GPM6A: variants seen among roughly 807,000 people sequenced by gnomAD.
GPM6A encodes the protein glycoprotein M6A.
A neutral mutation model predicts 32.1 loss-of-function variants in GPM6A; 7 were observed. The ratio of observed to expected loss-of-function variants is 0.22; its 90% CI spans 0.12 to 0.41. GPM6A has a LOEUF of 0.41. Among genes scored for constraint, GPM6A ranks in the 10% least tolerant of loss-of-function variants. GPM6A has a pLI of 1.00. For synonymous variants in GPM6A, 130 were observed against 123.4 expected (o/e 1.05, Z -0.35); for missense variants, 235 against 347.2 (o/e 0.68, Z 2.57).
intron 1 of GPM6A, among the ~76,000 whole-genome samples, chr4:175,844,841 G>T (rs1736040822): frequency 6.6e-6 from 1 of 152,052 alleles, no homozygotes; most frequent in South Asian, 2.1e-4. Context: ...TGGGTTCCAG[G>T]TATTGAATTT....
At position 175,964,296 on chromosome 4, in the gene GPM6A, AAACAACAAC is replaced by A. The variant is rs140794301; in HGVS notation, c.-23+38004_-23+38012del. Among the ~76,000 whole-genome samples, 9 of 151,426 alleles carry A rather than the reference AAACAACAAC, an allele frequency of 5.9e-5. No homozygotes were observed. The East Asian group carries it at 1.8e-3, about 30-fold the overall frequency. ...AACTCTATGTTGTCCAAAAACAAACAAACAACAACAACAACAACAACAACAAAACCCACC... is the reference window on the plus strand; with the variant it reads ...AACTCTATGTTGTCCAAAAACAAACAAACAACAACAACAACAAAACCCACC... On this transcript the variant is annotated intron_variant, in intron 1 of 7. Coordinates refer to the GPM6A transcript ENST00000280187.
intron 1 of GPM6A, among the ~76,000 whole-genome samples, chr4:175,712,631 C>T (rs1174428397): frequency 6.6e-6 from 1 of 152,176 alleles, no homozygotes; most frequent in Non-Finnish European, 1.5e-5. Flanking sequence ...CTGAGGGAAA[C>T]ATGTCCCTTG....
chr4:175,686,963 C>T (rs918318002), intron 2 of GPM6A, among the ~76,000 whole-genome samples: 3 of 152,168 alleles, frequency 2.0e-5, no homozygotes, highest in African/African-American at 7.2e-5. Context: ...ATGCCTGCTT[C>T]TTCCTAAGCA....
At chr4:175,953,645 C>T (rs1433532912) in intron 1 of GPM6A, among the ~76,000 whole-genome samples, 9 of 152,110 alleles carry the variant, frequency 5.9e-5, no homozygotes, top group East Asian at 1.9e-4. Flanking sequence ...CTCACACCTG[C>T]AATTCCAGCA....
chr4:175,965,320 C>T (rs1308858797), intron 1 of GPM6A, among the ~76,000 whole-genome samples: 1 of 151,372 alleles, frequency 6.6e-6, no homozygotes, highest in African/African-American at 2.4e-5. Context: ...TAATTGAATG[C>T]ATATATTAGA....
intron 1 of GPM6A, among the ~76,000 whole-genome samples, chr4:175,756,949 C>T (rs933318479): frequency 6.6e-6 from 1 of 151,914 alleles, no homozygotes; most frequent in South Asian, 2.1e-4. Flanking sequence ...GTAATGAAGG[C>T]AAATATGGGG....
At chr4:175,697,702 G>A (rs10520303) in intron 2 of GPM6A, among the ~76,000 whole-genome samples, 1 of 152,084 alleles carries the variant, frequency 6.6e-6, no homozygotes, top group Non-Finnish European at 1.5e-5. Flanking sequence ...TTATATAAAT[G>A]AGTAACAAAA....
chr4:175,669,420 G>T (rs1230433041), intron 3 of GPM6A, among the ~76,000 whole-genome samples: 1 of 152,072 alleles, frequency 6.6e-6, no homozygotes, highest in African/African-American at 2.4e-5. Context: ...TTTAGGTTTT[G>T]TAATATTTGC....
intron 1 of GPM6A, among the ~76,000 whole-genome samples, chr4:175,785,486 T>C (rs1383679882): frequency 6.6e-6 from 1 of 152,202 alleles, no homozygotes; most frequent in African/African-American, 2.4e-5. Context: ...GTTGGGAGAA[T>C]AGAATTAGTA....
chr4:175,634,818 C>A lies in GPM6A; in HGVS notation c.*87G>T. 1 of 1,034,038 alleles carries A rather than the reference C, an allele frequency of 9.7e-7. No individual in the cohort carries two copies. Among genetic ancestry groups the A allele is most frequent in the Non-Finnish European group, 1.5e-6 (1 of 682,680 alleles). 64.1% of individuals were successfully genotyped at this position (1,034,038 alleles called of 1,614,324 possible). A position where few individuals can be genotyped will look rare whatever the true frequency, so the allele number is the denominator to read the frequency against. ...ACATATCATTGATGAGAAGCACTTTCGTTTTGTTTTTTAAAGGTTGGATGG... is the reference window on the plus strand; with the variant it reads ...ACATATCATTGATGAGAAGCACTTTAGTTTTGTTTTTTAAAGGTTGGATGG... On this transcript the variant is annotated 3_prime_UTR_variant, in exon 7 of 7. Transcript: ENST00000393658.
At chr4:175,780,138 C>A (rs1733561041) in intron 1 of GPM6A, among the ~76,000 whole-genome samples, 1 of 151,598 alleles carries the variant, frequency 6.6e-6, no homozygotes, top group South Asian at 2.1e-4. Flanking sequence ...ACCTCCGCCT[C>A]CCAGGTTCAA....
intron 1 of GPM6A, among the ~76,000 whole-genome samples, chr4:175,761,081 TG>T (rs1360687267): frequency 3.3e-5 from 5 of 149,732 alleles, no homozygotes; most frequent in Non-Finnish European, 4.5e-5. Context: ...TGAGAAGCAA[TG>T]ACACAGTCTC....
intron 1 of GPM6A, among the ~76,000 whole-genome samples, chr4:175,824,367 T>G (rs1224035588): frequency 1.3e-5 from 2 of 152,164 alleles, no homozygotes; most frequent in African/African-American, 4.8e-5. Context: ...AGCGATGTGC[T>G]CAAGTAAGCA....
intron 1 of GPM6A, among the ~76,000 whole-genome samples, chr4:175,900,357 G>C (rs1356178837): frequency 7.1e-6 from 1 of 140,360 alleles, no homozygotes; most frequent in Admixed American, 7.3e-5. Flanking sequence ...GGAAAAGAAA[G>C]GAAAGGAAAA....
In GPM6A at chr4:175,804,343, A is replaced by G. The variant is rs188957687; in HGVS notation, c.37+7848T>C. Among the ~76,000 whole-genome samples, 363 of 152,308 alleles carry G rather than the reference A, an allele frequency of 2.4e-3. 1 individual carries two copies. The highest frequency in any genetic ancestry group is 8.4e-3 in the African/African-American group (350 of 41,564). ...GAAAAATGGAGAAATCATTTGGCTC[A>G]TTCTCCCTTCTGCCCACCTCATAAT... is the stretch of plus-strand genomic sequence containing the variant. On this transcript the variant is annotated intron_variant, in intron 1 of 6. Coordinates refer to ENST00000393658, the MANE Select transcript of GPM6A (RefSeq NM_201591.3).
chr4:175,752,921 A>G (rs1027211858), intron 1 of GPM6A, among the ~76,000 whole-genome samples: 2 of 152,208 alleles, frequency 1.3e-5, no homozygotes, highest in East Asian at 3.9e-4. Context: ...GGAAAACGTC[A>G]TGCTTGACAA....
intron 1 of GPM6A, among the ~76,000 whole-genome samples, chr4:175,909,306 T>C (rs1738241017): frequency 6.6e-6 from 1 of 152,140 alleles, no homozygotes; most frequent in Admixed American, 6.6e-5. Context: ...TTCAGATCCT[T>C]TCTCCAACTG....
At chr4:175,637,669 T>TATA (rs1740837918) in intron 6 of GPM6A, among the ~76,000 whole-genome samples, 1 of 384 alleles carries the variant, frequency 2.6e-3, no homozygotes, top group Non-Finnish European at 0.016. Context: ...ATATATAATA[T>TATA]ATATAATATA....
At chr4:175,931,919 CA>C (rs1292213246) in intron 1 of GPM6A, among the ~76,000 whole-genome samples, 1 of 151,322 alleles carries the variant, frequency 6.6e-6, no homozygotes, top group Non-Finnish European at 1.5e-5. Context: ...ACCTCAGCTA[CA>C]AAAAATAATA....
Sources: allele counts gnomAD v4.1 joint callset (sites outside exome capture counted in the v4.1 genomes callset), GRCh38; gene constraint gnomAD v4.1.1; transcripts MANE v1.5; gene names NCBI Gene and HGNC (gene_info 2026-07-23, HGNC 2026-07-21).